Variants in ATP5F1A observed in about 807,000 individuals in gnomAD.
ATP5F1A encodes the protein ATP synthase F(1) complex subunit alpha, mitochondrial.
A neutral mutation model predicts 57.4 loss-of-function variants in ATP5F1A; 24 were observed. That is an observed-to-expected ratio of 0.42 (90% CI 0.30 to 0.59). ATP5F1A has a LOEUF of 0.59. ATP5F1A is among the 20% of genes least tolerant of loss of function. The pLI, the probability that ATP5F1A is intolerant of heterozygous loss-of-function variation, is 0.19. For missense variants in ATP5F1A, 494 were observed against 707.9 expected (o/e 0.70, Z 3.43); for synonymous variants, 251 against 255.5 (o/e 0.98, Z 0.17).
intron 7 of ATP5F1A, 24 bp downstream of exon 7, chr18:46,087,316 AT>A: frequency 6.2e-7 from 1 of 1,612,562 alleles, no homozygotes. Context: ...AAATAAATGG[AT>A]TCTAAAAATT....
chr18:46,100,633 A>G (rs2144231465), upstream of ATP5F1A, among the ~76,000 whole-genome samples: 1 of 152,176 alleles, frequency 6.6e-6, no homozygotes, highest in Middle Eastern at 3.4e-3. Context: ...AAAAAAGAGA[A>G]CTGTTGTATA....
At position 46,089,915 on chromosome 18, in the gene ATP5F1A, C is replaced by G. The variant is rs747022561; in HGVS notation, c.391G>C (p.Val131Leu). 3 of 1,613,858 alleles carry G rather than the reference C, an allele frequency of 1.9e-6. No homozygotes were observed. Among genetic ancestry groups the G allele is most frequent in the Non-Finnish European group, 2.5e-6 (3 of 1,179,960 alleles). ...NDKLIKEGDI[V>L]KRTGAIVDVP... ...TCCACAATGGCTCCTGTCCTCTTCA[C>G]TATATCTCCTTCCTTAATTAGTTTA... is the stretch of plus-strand genomic sequence containing the variant. Residue 131 changes from valine (V) to leucine (L), a missense_variant, in exon 4 of 12, where the codon GTG becomes CTG. Around this residue, in one of 6 missense-constraint regions of ATP5F1A, gnomAD observed 191 missense variants for 267.7 expected, o/e 0.71. Coordinates refer to ENST00000398752, the MANE Select transcript of ATP5F1A (RefSeq NM_004046.6).
In ATP5F1A at chr18:46,091,712, T is replaced by C. The variant is rs1599780818; in HGVS notation, c.279A>G (p.Glu93=). The change falls in exon 3 of 12, where the codon GAA becomes GAG. Residue 93 remains glutamate (E), a synonymous_variant. Transcript: ENST00000398752. ...AGCCTGAAGAAAACTCTACCATTTCTTCTGCTTGAACATTCCTCAGCCCAT... is the reference window on the plus strand; with the variant it reads ...AGCCTGAAGAAAACTCTACCATTTCCTCTGCTTGAACATTCCTCAGCCCAT... The part of the protein sequence containing the change: ...RVHGLRNVQA[E]EMVEFSSGLK... 1.2e-6 allele frequency: 2 copies of C among 1,609,092 alleles called. No individual in the cohort carries two copies. Among genetic ancestry groups the C allele is most frequent in the Non-Finnish European group, 1.7e-6 (2 of 1,178,682 alleles).
chr18:46,094,341 C>G (rs1297789786), intron 2 of ATP5F1A, among the ~76,000 whole-genome samples: 1 of 152,078 alleles, frequency 6.6e-6, no homozygotes, highest in African/African-American at 2.4e-5. Flanking sequence ...CACAGATTGC[C>G]AAATATCTAG....
At chr18:46,097,714 T>C (rs1568255527) in intron 1 of ATP5F1A, 1 of 648,386 alleles carries the variant, frequency 1.5e-6, no homozygotes, top group Non-Finnish European at 1.9e-6. Context: ...AGAGGTGAAA[T>C]GCTGGGCCTG....
chr18:46,091,552 A>G (rs2144197036), intron 3 of ATP5F1A, 130 bp downstream of exon 3: 1 of 1,024,748 alleles, frequency 9.8e-7, no homozygotes, highest in South Asian at 1.9e-5. Flanking sequence ...ATCTATGATA[A>G]TAACAAGAAA....
At position 46,087,352 on chromosome 18, in the gene ATP5F1A, A is replaced by T; in HGVS notation, c.940T>A (p.Leu314Ile). ...GKHALIIYDD[L>I]SKQAVAYRQM... is the part of the protein sequence containing the mutation. ...TTATTTCCTTTGACCTGTTTGGATAAGTCGTCATAGATGATCAAAGCATGT... is the reference window on the plus strand; with the variant it reads ...TTATTTCCTTTGACCTGTTTGGATATGTCGTCATAGATGATCAAAGCATGT... The change falls in exon 7 of 12, where the codon TTA becomes ATA. Residue 314 changes from leucine (L) to isoleucine (I), a missense_variant. By Grantham distance (5) the Leu-to-Ile change is conservative. Transcript: ENST00000398752. 6.2e-7 allele frequency: 1 copy of T among 1,614,174 alleles called. No individual in the cohort carries two copies. Among genetic ancestry groups the T allele is most frequent in the Non-Finnish European group, 8.5e-7 (1 of 1,180,032 alleles).
chr18:46,093,680 C>T (rs1209393742), intron 2 of ATP5F1A, among the ~76,000 whole-genome samples: 2 of 151,818 alleles, frequency 1.3e-5, no homozygotes, highest in African/African-American at 4.8e-5. Context: ...AAAAATTAGC[C>T]AGGTGTGGTG....
rs772480203 is a variant in ATP5F1A at position 46,087,344 on chromosome 18, T to C, written c.948A>G (p.Lys316=). 1.9e-6 allele frequency: 3 copies of C among 1,613,972 alleles called. No individual in the cohort carries two copies. The highest frequency in any genetic ancestry group is 3.3e-5 in the Admixed American group (2 of 59,958). The change falls in exon 7 of 12, where the codon AAA becomes AAG. Residue 316 remains lysine, a synonymous_variant. Coordinates refer to ENST00000398752, the MANE Select transcript of ATP5F1A (RefSeq NM_004046.6). ...CTAAAAATTTATTTCCTTTGACCTG[T>C]TTGGATAAGTCGTCATAGATGATCA... is the stretch of plus-strand genomic sequence containing the variant. The part of the protein sequence containing the change: ...HALIIYDDLS[K]QAVAYRQMSL...
At chr18:46,093,364 T>C (rs1453145265) in intron 2 of ATP5F1A, 9 of 143,958 alleles carry the variant, frequency 6.3e-5, no homozygotes, top group Non-Finnish European at 1.4e-4. Flanking sequence ...ATCCCATCTC[T>C]ACTAAGGAAA....
Position 46,084,440 on chromosome 18 carries a change from A to G in ATP5F1A, c.1580+64T>C, listed in dbSNP as rs1909935693. On this transcript the variant is annotated intron_variant, in intron 11 of 11. Transcript: ENST00000398752. The stretch of plus-strand genomic sequence containing the variant: ...TGACTAGCCTAACTACAGATTTGAA[A>G]ATAATTTTAACTTCATATCTTAAAC... 2.5e-6 allele frequency: 4 copies of G among 1,575,548 alleles called. No individual in the cohort carries two copies. In the African/African-American group the frequency reaches 5.5e-5, roughly 22 times the overall value.
Position 46,081,068 on chromosome 18 carries a change from T to G in ATP5F1A, c.*3214A>C, listed in dbSNP as rs1226810176. The G allele has an allele frequency of 7.1e-6, 1 of 141,200 alleles. No individual in the cohort carries two copies. The highest frequency in any genetic ancestry group is 1.5e-5 in the Non-Finnish European group (1 of 66,590). The allele number at this position is 141,200 out of a possible 1,614,324, so 8.7% of individuals were successfully genotyped here. A position where few individuals can be genotyped will look rare whatever the true frequency, so the allele number is the denominator to read the frequency against. ...TCACTTGAACCCAGGAGGTGGAGGTTGCAGTGAGCCGAGATCGCGCCATTG... is the reference window on the plus strand; with the variant it reads ...TCACTTGAACCCAGGAGGTGGAGGTGGCAGTGAGCCGAGATCGCGCCATTG... On this transcript the variant is annotated 3_prime_UTR_variant, in exon 12 of 12. Transcript: ENST00000398752.
rs1475178934 is a variant in ATP5F1A at position 46,081,934 on chromosome 18, AGACAGAGAGATGG to A, written c.*2335_*2347del. 3 of 151,942 alleles carry A rather than the reference AGACAGAGAGATGG, an allele frequency of 2.0e-5. No individual in the cohort carries two copies. The highest frequency in any genetic ancestry group is 4.4e-5 in the Non-Finnish European group (3 of 67,984). 9.4% of individuals were successfully genotyped at this position (151,942 alleles called of 1,614,324 possible). On this transcript the variant is annotated 3_prime_UTR_variant, in exon 12 of 12. Coordinates refer to ENST00000398752, the MANE Select transcript of ATP5F1A (RefSeq NM_004046.6). ...ATGTAAATATATTTTGACTTACTGGAGACAGAGAGATGGATAAGAATGAAGTTTCGGTACAGCA... is the reference window on the plus strand; with the variant it reads ...ATGTAAATATATTTTGACTTACTGGAATAAGAATGAAGTTTCGGTACAGCA...
intron 10 of ATP5F1A, chr18:46,085,246 G>T (rs575485683): frequency 6.7e-6 from 1 of 148,746 alleles, no homozygotes; most frequent in Non-Finnish European, 1.5e-5. Context: ...AAATGGTAGA[G>T]GTTTTACCAT....
Position 46,082,800 on chromosome 18 carries a change from CAG to C in ATP5F1A, c.*1480_*1481del, listed in dbSNP as rs1279443939. 2 of 152,196 alleles carry C rather than the reference CAG, an allele frequency of 1.3e-5. No homozygotes were observed. Among genetic ancestry groups the C allele is most frequent in the Non-Finnish European group, 2.9e-5 (2 of 68,066 alleles). 9.4% of individuals were successfully genotyped at this position (152,196 alleles called of 1,614,324 possible). A position where few individuals can be genotyped will look rare whatever the true frequency, so the allele number is the denominator to read the frequency against. On this transcript the variant is annotated 3_prime_UTR_variant, in exon 12 of 12. Transcript: ENST00000398752. Reference sequence around the variant, plus strand: ...GCGTGGTGGCTCACACCTGTAATCCCAGCACTTTGGGAAGCTGAGGCGGGCAG... The same window carrying C: ...GCGTGGTGGCTCACACCTGTAATCCCCACTTTGGGAAGCTGAGGCGGGCAG...
rs200619127 is a variant in ATP5F1A at position 46,088,200 on chromosome 18, A to G, written c.708T>C (p.Ser236=). The stretch of plus-strand genomic sequence containing the variant: ...TACAGTACAGCTTCTTCTTTTCATC[A>G]GATCCATCATTGAAACGTTTCTGGT... ...IINQKRFNDG[S]DEKKKLYCIY... The change falls in exon 6 of 12, where the codon TCT becomes TCC. Residue 236 remains serine, a synonymous_variant. Transcript: ENST00000398752. The G allele has an allele frequency of 6.2e-7, 1 of 1,603,814 alleles. No individual in the cohort carries two copies. Among genetic ancestry groups the G allele is most frequent in the Non-Finnish European group, 8.5e-7 (1 of 1,177,966 alleles).
In ATP5F1A at chr18:46,091,720, G is replaced by C. The variant is rs1910563322; in HGVS notation, c.271C>G (p.Gln91Glu). 6.2e-7 allele frequency: 1 copy of C among 1,611,122 alleles called. No individual in the cohort carries two copies. Among genetic ancestry groups the C allele is most frequent in the Admixed American group, 1.7e-5 (1 of 59,066 alleles). ...GAAAACTCTACCATTTCTTCTGCTT[G>C]AACATTCCTCAGCCCATGTACGCGG... The part of the protein sequence containing the change: ...IARVHGLRNV[Q>E]AEEMVEFSSG... Residue 91 changes from glutamine to glutamate, a missense_variant, in exon 3 of 12, where the codon CAA (glutamine) becomes GAA (glutamate). Physicochemically the swap from Gln to Glu is conservative, Grantham distance 29. Around this residue, in one of 6 missense-constraint regions of ATP5F1A, gnomAD observed 142 missense variants for 137.5 expected, o/e 1.03. Coordinates refer to ENST00000398752, the MANE Select transcript of ATP5F1A (RefSeq NM_004046.6).
Position 46,080,898 on chromosome 18 carries a change from G to C in ATP5F1A, c.*3384C>G, listed in dbSNP as rs904894835. 5 of 151,434 alleles carry C rather than the reference G, an allele frequency of 3.3e-5. No individual in the cohort carries two copies. Among genetic ancestry groups the C allele is most frequent in the Admixed American group, 3.3e-4 (5 of 15,208 alleles). The allele number at this position is 151,434 out of a possible 1,614,324, so 9.4% of individuals were successfully genotyped here. ...TAATCCCAGCACTTTAGGAGGTCGAGGCACGTGGATCATCTAAGGTCAGGA... is the reference window on the plus strand; with the variant it reads ...TAATCCCAGCACTTTAGGAGGTCGACGCACGTGGATCATCTAAGGTCAGGA... On this transcript the variant is annotated 3_prime_UTR_variant, in exon 12 of 12. Transcript: ENST00000398752.
At position 46,098,263 on chromosome 18, in the gene ATP5F1A, C is replaced by A. The variant is rs367840441; in HGVS notation, c.-32G>T. On this transcript the variant is annotated 5_prime_UTR_variant, in exon 1 of 12. Transcript: ENST00000398752. ...AGTTACTCCGCAGGCGGTACTTCTG[C>A]AGCCGCAGCCTCCGGACTGACTGGG... is the stretch of plus-strand genomic sequence containing the variant. 10,631 of 1,593,750 alleles carry A rather than the reference C, an allele frequency of 6.7e-3. 61 individuals are homozygous for A. Among genetic ancestry groups the A allele is most frequent in the South Asian group, 8.0e-3 (719 of 89,934 alleles).
Sources: gnomAD v4.1 joint callset for allele counts (sites outside exome capture counted in the v4.1 genomes callset) on GRCh38, gnomAD v4.1.1 for gene constraint, gnomAD v4.1.1 regional missense constraint, MANE v1.5 for transcripts, NCBI Gene and HGNC (gene_info 2026-07-23, HGNC 2026-07-21) for gene names.